TEX36: variants seen among roughly 807,000 people sequenced by gnomAD.
TEX36 encodes the protein testis-expressed protein 36.
A neutral mutation model predicts 13.6 loss-of-function variants in TEX36; 12 were observed. The ratio of observed to expected loss-of-function variants is 0.88; its 90% CI spans 0.56 to 1.43. TEX36 has a LOEUF of 1.43. Ranked by LOEUF, TEX36 falls within the 40% of genes most tolerant of loss-of-function variation. TEX36 has a pLI of 0.00. For missense variants in TEX36, 224 were observed against 228.3 expected (o/e 0.98, Z 0.12); for synonymous variants, 93 against 83.0 (o/e 1.12, Z -0.65).
intron 3 of TEX36, among the ~76,000 whole-genome samples, chr10:125,601,206 A>G (rs1000426007): frequency 6.6e-6 from 1 of 152,254 alleles, no homozygotes; most frequent in Non-Finnish European, 1.5e-5. Context: ...TATGTTTACA[A>G]TGTTTGAGGA....
intron 3 of TEX36, among the ~76,000 whole-genome samples, chr10:125,625,518 G>A (rs1846476060): frequency 6.6e-6 from 1 of 152,228 alleles, no homozygotes; most frequent in Non-Finnish European, 1.5e-5. Flanking sequence ...TGGCAGAATT[G>A]TGTGTAGTAA....
In TEX36 at chr10:125,658,428, A is replaced by T. The variant is rs191259259; in HGVS notation, c.265-2232T>A. ...TATTAAACTATATCAGGCAAAAAAA[A>T]CTTTAGAAACTCAAGAATAATCTTA... On this transcript the variant is annotated intron_variant, in intron 3 of 3. Transcript: ENST00000368821. 3.0e-3 allele frequency among the ~76,000 whole-genome samples: 456 copies of T among 152,250 alleles called. 3 individuals are homozygous for T. Among genetic ancestry groups the T allele is most frequent in the African/African-American group, 1.0e-2 (414 of 41,580 alleles).
At position 125,656,129 on chromosome 10, in the gene TEX36, G is replaced by A; in HGVS notation, c.332C>T (p.Ala111Val). ...AAGACAAGATGGAACATAGTCACATGCCCAGAGATTAAAATTTCTTGAAAC... is the reference window on the plus strand; with the variant it reads ...AAGACAAGATGGAACATAGTCACATACCCAGAGATTAAAATTTCTTGAAAC... ...QHVSRNFNLW[A>V]CDYVPSCLDG... The change falls in exon 4 of 4, where the codon GCA (alanine) becomes GTA (valine). Residue 111 changes from alanine to valine, a missense_variant. By Grantham distance (64) the Ala-to-Val change is moderately conservative (BLOSUM62 0). Coordinates refer to ENST00000368821, the MANE Select transcript of TEX36 (RefSeq NM_001128202.3). 1.3e-6 allele frequency: 2 copies of A among 1,548,220 alleles called. No individual in the cohort carries two copies. The highest frequency in any genetic ancestry group is 1.7e-6 in the Non-Finnish European group (2 of 1,146,028).
rs1397723166 is a variant in TEX36, at chr10:125,581,193, A to T, written c.265-4319T>A. 2.6e-5 allele frequency among the ~76,000 whole-genome samples: 4 copies of T among 151,974 alleles called. No individual in the cohort carries two copies. In the South Asian group the frequency reaches 6.2e-4, roughly 24 times the overall value. ...TTCTGTCTCTGATGCAACCAGGCAC[A>T]CCCTAAACAGGGAGATTAGGTTCCC... On this transcript the variant is annotated intron_variant, in intron 3 of 3. Coordinates refer to the TEX36 transcript ENST00000532135.
chr10:125,598,703 T>A (rs1414919818), intron 3 of TEX36, among the ~76,000 whole-genome samples: 2 of 152,216 alleles, frequency 1.3e-5, no homozygotes, highest in Non-Finnish European at 2.9e-5. Context: ...CCCAGCAGAT[T>A]CACTCTAGGA....
chr10:125,633,971 T>C (rs1343007494), intron 3 of TEX36, among the ~76,000 whole-genome samples: 1 of 152,096 alleles, frequency 6.6e-6, no homozygotes, highest in Admixed American at 6.5e-5. Context: ...CCTCTAGGGT[T>C]CAAGTCTACC....
At chr10:125,620,548 C>T (rs1478301649), downstream of TEX36, among the ~76,000 whole-genome samples, 1 of 152,198 alleles carries the variant, frequency 6.6e-6, no homozygotes, top group African/African-American at 2.4e-5. Context: ...ACTCACAACA[C>T]ACCCCAGGCC....
chr10:125,604,824 G>C (rs974965650), intron 3 of TEX36, among the ~76,000 whole-genome samples: 1 of 151,474 alleles, frequency 6.6e-6, no homozygotes, highest in African/African-American at 2.4e-5. Context: ...AAAAGAAATA[G>C]AGAGAGAATC....
At chr10:125,631,099 A>G (rs1260718844) in intron 3 of TEX36, among the ~76,000 whole-genome samples, 1 of 152,212 alleles carries the variant, frequency 6.6e-6, no homozygotes, top group East Asian at 1.9e-4. Context: ...CAATCTCACC[A>G]GTAACCCTGG....
chr10:125,640,974 C>G (rs1037286541), intron 3 of TEX36, among the ~76,000 whole-genome samples: 12 of 151,658 alleles, frequency 7.9e-5, no homozygotes, highest in Admixed American at 5.9e-4. Flanking sequence ...ATCTCTCCCC[C>G]CTCCCCCGGG....
At position 125,584,013 on chromosome 10, in the gene TEX36, T is replaced by C. The variant is rs1845914609; in HGVS notation, c.265-7139A>G. Among the ~76,000 whole-genome samples, 4 of 152,136 alleles carry C rather than the reference T, an allele frequency of 2.6e-5. No homozygotes were observed. The South Asian group carries it at 8.3e-4, about 32-fold the overall frequency. Reference sequence around the variant, plus strand: ...TGGAGGGAGTGACACTGTGGGAGCTTAGAGCAGGCCTCAGAGACATCAAAT... The same window carrying C: ...TGGAGGGAGTGACACTGTGGGAGCTCAGAGCAGGCCTCAGAGACATCAAAT... On this transcript the variant is annotated intron_variant, in intron 3 of 3. Transcript: ENST00000532135.
At chr10:125,661,518 C>T (rs565828080) in intron 2 of TEX36, among the ~76,000 whole-genome samples, 1 of 152,138 alleles carries the variant, frequency 6.6e-6, no homozygotes, top group South Asian at 2.1e-4. Flanking sequence ...GAAATGGACC[C>T]TGGCTTCTCC....
intron 3 of TEX36, among the ~76,000 whole-genome samples, chr10:125,612,787 C>T (rs759224110): frequency 1.4e-5 from 2 of 146,862 alleles, no homozygotes; most frequent in Non-Finnish European, 3.0e-5. Flanking sequence ...ACTTCCAGAA[C>T]ATGTGGGGAT....
intron 3 of TEX36, among the ~76,000 whole-genome samples, chr10:125,637,103 A>G (rs1589765702): frequency 6.6e-6 from 1 of 152,138 alleles, no homozygotes; most frequent in South Asian, 2.1e-4. Context: ...GGAATTTGAG[A>G]CCAGCCTAGG....
Position 125,661,059 on chromosome 10 carries a change from G to A in TEX36, c.226C>T (p.Arg76Trp), listed in dbSNP as rs964284940. ...CATCCAGAGTTCTCCAAGCTGTGCCGATTGTCATGCACGGAGAAGGGGAAC... is the reference window on the plus strand; with the variant it reads ...CATCCAGAGTTCTCCAAGCTGTGCCAATTGTCATGCACGGAGAAGGGGAAC... ...NQFPFSVHDN[R>W]HSLENSGCYL... Residue 76 changes from arginine to tryptophan, a missense_variant, in exon 3 of 4, where the codon CGG becomes TGG. Arg to Trp is a moderately radical substitution (Grantham distance 101, BLOSUM62 -3). Transcript: ENST00000368821. 19 of 1,551,690 alleles carry A rather than the reference G, an allele frequency of 1.2e-5. No homozygotes were observed. In the African/African-American group the frequency reaches 2.6e-4, roughly 21 times the overall value.
chr10:125,590,113 CT>C (rs200277942), intron 3 of TEX36, among the ~76,000 whole-genome samples: 3 of 151,426 alleles, frequency 2.0e-5, no homozygotes, highest in South Asian at 2.1e-4. Context: ...CTCTCTCTCA[CT>C]TTTTTTTTGT....
rs115949216 is a variant in TEX36 at position 125,670,739 on chromosome 10, G to C, written c.52-8762C>G. 5.9e-3 allele frequency among the ~76,000 whole-genome samples: 898 copies of C among 152,256 alleles called. 12 individuals carry two copies. The highest frequency in any genetic ancestry group is 0.021 in the African/African-American group (854 of 41,550). ...TTATAGTTTTGGGGTTTACATTTCAGTCTTTAGTCTGTCTTGAGTTAATTG... is the reference window on the plus strand; with the variant it reads ...TTATAGTTTTGGGGTTTACATTTCACTCTTTAGTCTGTCTTGAGTTAATTG... On this transcript the variant is annotated intron_variant, in intron 1 of 3. Transcript: ENST00000368821.
chr10:125,622,522 CATG>C (rs556744541), intron 3 of TEX36, among the ~76,000 whole-genome samples: 11 of 152,228 alleles, frequency 7.2e-5, no homozygotes, highest in Non-Finnish European at 1.5e-4. Context: ...CTTGGCTGAT[CATG>C]ATTTTTCACC....
chr10:125,617,609 T>C (rs1281887390), downstream of TEX36, among the ~76,000 whole-genome samples: 1 of 152,258 alleles, frequency 6.6e-6, no homozygotes, highest in Non-Finnish European at 1.5e-5. Context: ...ATGTTGAATA[T>C]TGGCCCCAAC....
Sources: gnomAD v4.1 joint callset for allele counts (sites outside exome capture counted in the v4.1 genomes callset) on GRCh38, gnomAD v4.1.1 for gene constraint, MANE v1.5 for transcripts, NCBI Gene and HGNC (gene_info 2026-07-23, HGNC 2026-07-21) for gene names.